The following USP14 variants were observed in gnomAD, a reference collection of about 807,000 sequenced individuals.
USP14 encodes ubiquitin specific peptidase 14.
A neutral mutation model predicts 76.5 loss-of-function variants in USP14; 38 were observed. The ratio of observed to expected loss-of-function variants is 0.50; its 90% CI spans 0.38 to 0.65. USP14 has a LOEUF of 0.65. Among genes scored for constraint, USP14 ranks in the 30% least tolerant of loss-of-function variants. The probability of loss-of-function intolerance (pLI) is 0.00; values close to 1 mark genes in which losing one functional copy is unlikely to be tolerated. For missense variants in USP14, 467 were observed against 586.5 expected (o/e 0.80, Z 2.10); for synonymous variants, 192 against 191.7 (o/e 1.00, Z -0.01).
At chr18:160,791 T>A (rs117349903) in intron 1 of USP14, among the ~76,000 whole-genome samples, 1 of 152,348 alleles carries the variant, frequency 6.6e-6, no homozygotes, top group Non-Finnish European at 1.5e-5. Flanking sequence ...GTGATTACAG[T>A]ATGCCTTCTT....
intron 6 of USP14, 113 bp from the exon 7 acceptor site, chr18:196,524 A>C: frequency 5.8e-6 from 2 of 344,726 alleles, no homozygotes; most frequent in Non-Finnish European, 8.7e-6. Flanking sequence ...ACTCCATCTC[A>C]AAAAAAAAAA....
At chr18:176,243 T>A (rs1300526626) in intron 3 of USP14, among the ~76,000 whole-genome samples, 1 of 152,146 alleles carries the variant, frequency 6.6e-6, no homozygotes, top group Non-Finnish European at 1.5e-5. Context: ...GGTTTTAAAT[T>A]TTTTAAAATT....
At position 211,308 on chromosome 18, in the gene USP14, AG is replaced by A; in HGVS notation, c.*25del. 6.3e-7 allele frequency: 1 copy of A among 1,583,754 alleles called. No homozygotes were observed. The highest frequency in any genetic ancestry group is 8.6e-7 in the Non-Finnish European group (1 of 1,160,542). On this transcript the variant is annotated 3_prime_UTR_variant, in exon 16 of 16. Transcript: ENST00000261601. ...AATCTTCATTTTAGTATTTATGCTT[AG>A]ATGTGAAAATAAATGTTATTTGTTG...
chr18:172,406 G>T (rs1443177025), intron 3 of USP14, among the ~76,000 whole-genome samples: 1 of 151,866 alleles, frequency 6.6e-6, no homozygotes, highest in African/African-American at 2.4e-5. Flanking sequence ...TTGTTGAAAT[G>T]ACAATAAAGG....
chr18:202,049 A>G lies in USP14; in HGVS notation c.877-831A>G, dbSNP rs1339534394. 3.3e-5 allele frequency among the ~76,000 whole-genome samples: 5 copies of G among 152,256 alleles called. No homozygotes were observed. In the East Asian group the frequency reaches 7.7e-4, roughly 23 times the overall value. On this transcript the variant is annotated intron_variant, in intron 10 of 15. Transcript: ENST00000261601. The stretch of plus-strand genomic sequence containing the variant: ...TTAAAAAATCAGACTTTAAAATTAT[A>G]CAAGTGTAACATGCTTAAACATTAC...
At chr18:165,284 A>G (rs1208676015) in intron 2 of USP14, among the ~76,000 whole-genome samples, 1 of 152,200 alleles carries the variant, frequency 6.6e-6, no homozygotes, top group Admixed American at 6.6e-5. Flanking sequence ...GCTTTAAAAA[A>G]TACTTCCTTC....
chr18:188,972 C>T (rs1910013167), intron 5 of USP14, among the ~76,000 whole-genome samples: 1 of 152,200 alleles, frequency 6.6e-6, no homozygotes, highest in East Asian at 1.9e-4. Flanking sequence ...AGCCACCGTG[C>T]TTGGCCTTTG....
chr18:177,670 C>T (rs1157617119), intron 3 of USP14, among the ~76,000 whole-genome samples: 5 of 148,174 alleles, frequency 3.4e-5, no homozygotes, highest in Non-Finnish European at 6.0e-5. Flanking sequence ...TCTGGTCCTA[C>T]CTTTTACTTT....
chr18:181,017 C>G (rs1355193630), intron 5 of USP14, among the ~76,000 whole-genome samples: 1 of 151,416 alleles, frequency 6.6e-6, no homozygotes, highest in East Asian at 2.0e-4. Context: ...ACACCTCATT[C>G]CTATTTTATG....
chr18:186,714 T>G (rs1253386934), intron 5 of USP14, among the ~76,000 whole-genome samples: 2 of 152,020 alleles, frequency 1.3e-5, no homozygotes, highest in Non-Finnish European at 2.9e-5. Context: ...ATTGCACCAC[T>G]GCACTCCAGC....
rs1909171763 is a variant in USP14, at chr18:163,174, GGTAA to G, written c.17-131_17-128del. ...ACTGCATGCATGCTCCTCTTGATTA[GGTAA>G]GTGTTATGGGCATAGAAAGATGAAT... is the stretch of plus-strand genomic sequence containing the variant. On this transcript the variant is annotated intron_variant, in intron 1 of 15. Coordinates refer to ENST00000261601, the MANE Select transcript of USP14 (RefSeq NM_005151.4). 4.1e-6 allele frequency: 3 copies of G among 729,820 alleles called. No individual in the cohort carries two copies. In the African/African-American group the frequency reaches 5.4e-5, roughly 13 times the overall value. The allele number at this position is 729,820 out of a possible 1,614,324, so 45.2% of individuals were successfully genotyped here.
chr18:172,884 A>G (rs1219536776), intron 3 of USP14, among the ~76,000 whole-genome samples: 2 of 152,020 alleles, frequency 1.3e-5, no homozygotes, highest in African/African-American at 4.8e-5. Context: ...ATGCTCTGGA[A>G]CCCAAACTGT....
Position 179,010 on chromosome 18 carries a change from C to T in USP14, c.273C>T (p.Asp91=), listed in dbSNP as rs1223471702. ...EPSAKTVFVE[D]MTEEQLASAM... is the part of the protein sequence containing the mutation. ...CAGCCAAAACTGTCTTCGTAGAAGA[C>T]ATGACAGAAGAACAGTTAGCATCTG... The change falls in exon 4 of 16, where the codon GAC becomes GAT. Residue 91 remains aspartate (D), a synonymous_variant. Transcript: ENST00000261601. The T allele has an allele frequency of 6.2e-7, 1 of 1,612,476 alleles. No individual in the cohort carries two copies. The highest frequency in any genetic ancestry group is 2.2e-5 in the East Asian group (1 of 44,802).
intron 5 of USP14, among the ~76,000 whole-genome samples, chr18:190,690 G>T (rs1910061695): frequency 6.6e-6 from 1 of 152,090 alleles, no homozygotes. Flanking sequence ...AAGTATAATA[G>T]ACATTAGGTT....
chr18:168,080 C>T (rs1030294915), intron 3 of USP14, among the ~76,000 whole-genome samples: 1 of 151,700 alleles, frequency 6.6e-6, no homozygotes, highest in African/African-American at 2.4e-5. Context: ...CGCCCACCAC[C>T]ACGCCCAGCT....
At chr18:173,018 C>A (rs181411714) in intron 3 of USP14, among the ~76,000 whole-genome samples, 35 of 151,482 alleles carry the variant, frequency 2.3e-4, no homozygotes, top group African/African-American at 6.5e-4. Flanking sequence ...AAGAAATCTT[C>A]GCCTGTGCCA....
chr18:165,204 C>G (rs1460850693), intron 2 of USP14, among the ~76,000 whole-genome samples: 2 of 152,176 alleles, frequency 1.3e-5, no homozygotes. Context: ...CCTCGGGCCT[C>G]CCAAAGTGCT....
intron 1 of USP14, 187 bp downstream of exon 1, chr18:158,901 A>AG: frequency 1.0e-6 from 1 of 983,548 alleles, no homozygotes; most frequent in Non-Finnish European, 1.3e-6. Context: ...CCTGCGTGGC[A>AG]GGGGAGCGCC....
chr18:179,169 T>TA (rs1909711470), intron 4 of USP14, 132 bp downstream of exon 4: 1 of 598,910 alleles, frequency 1.7e-6, no homozygotes, highest in South Asian at 2.6e-5. Context: ...TTTTTAGCAG[T>TA]AAATAAGAGT....
Sources: allele counts gnomAD v4.1 joint callset (sites outside exome capture counted in the v4.1 genomes callset), GRCh38; gene constraint gnomAD v4.1.1; transcripts MANE v1.5; gene names NCBI Gene and HGNC (gene_info 2026-07-23, HGNC 2026-07-21).